The following MYH3 variants were observed in gnomAD, a reference collection of about 807,000 sequenced individuals.
MYH3 encodes myosin heavy chain 3.
In MYH3, 130 loss-of-function variants were observed where a neutral mutation model predicts 238.0. That is an observed-to-expected ratio of 0.55 (90% CI 0.47 to 0.63). The LOEUF (loss-of-function observed/expected upper bound fraction) is 0.63, where lower values mean the gene tolerates loss of function less well. MYH3 is among the 30% of genes least tolerant of loss of function. The pLI, the probability that MYH3 is intolerant of heterozygous loss-of-function variation, is 0.00. For missense variants in MYH3, 1,853 were observed against 2,374.9 expected (o/e 0.78, Z 4.57); for synonymous variants, 880 against 924.1 (o/e 0.95, Z 0.86).
chr17:10,631,498 A>G (rs565231280), intron 36 of MYH3, 113 bp downstream of exon 36: 1 of 1,508,842 alleles, frequency 6.6e-7, no homozygotes, highest in Non-Finnish European at 9.1e-7. Flanking sequence ...GCCCTCGGGG[A>G]GCAGAATGTG....
In MYH3 at chr17:10,647,364, A is replaced by T. The variant is rs2074331197; in HGVS notation, c.798T>A (p.Thr266=). 6.2e-7 allele frequency: 1 copy of T among 1,614,226 alleles called. No individual in the cohort carries two copies. Among genetic ancestry groups the T allele is most frequent in the Non-Finnish European group, 8.5e-7 (1 of 1,180,026 alleles). Reference sequence around the variant, plus strand: ...TCGAATCCCCATGGATCTACTTACAAGTTTCAATATCTGCAGAGGCCAGCT... The same window carrying T: ...TCGAATCCCCATGGATCTACTTACATGTTTCAATATCTGCAGAGGCCAGCT... ...TGKLASADIE[T]YLLEKSRVTF... is the part of the protein sequence containing the mutation. Residue 266 remains threonine (T), a splice_region_variant and synonymous_variant, in exon 9 of 41, where the codon ACT becomes ACA. Transcript: ENST00000583535.
In MYH3 at chr17:10,632,550, T is replaced by C. The variant is rs2074173586; in HGVS notation, c.4882A>G (p.Ile1628Val). 2 of 1,614,146 alleles carry C rather than the reference T, an allele frequency of 1.2e-6. No homozygotes were observed. Among genetic ancestry groups the C allele is most frequent in the Non-Finnish European group, 8.5e-7 (1 of 1,180,040 alleles). The change falls in exon 34 of 41, where the codon ATC becomes GTC. Residue 1628 changes from isoleucine to valine, a missense_variant. Transcript: ENST00000583535. ...KMEGDLNEIE[I>V]QLSHANRQAA... ...TGGCGGTTGGCGTGGCTCAGCTGGA[T>C]CTCGATTTCATTCAGGTCCCCCTCC...
chr17:10,632,660 T>G lies in MYH3; in HGVS notation c.4772A>C (p.Tyr1591Ser). ...CTGCATGGTTTCCACTGTTCTCTGGTAGTTCCTCTTCAGCTGCTCGATCTC... is the reference window on the plus strand; with the variant it reads ...CTGCATGGTTTCCACTGTTCTCTGGGAGTTCCTCTTCAGCTGCTCGATCTC... ...DEEIEQLKRN[Y>S]QRTVETMQSA... is the part of the protein sequence containing the mutation. Residue 1591 changes from tyrosine (Y) to serine (S), a missense_variant, in exon 34 of 41, where the codon TAC (tyrosine) becomes TCC (serine). Physicochemically the swap from Tyr to Ser is moderately radical, Grantham distance 144. Coordinates refer to ENST00000583535, the MANE Select transcript of MYH3 (RefSeq NM_002470.4). The G allele has an allele frequency of 6.2e-7, 1 of 1,614,130 alleles. No individual in the cohort carries two copies. The highest frequency in any genetic ancestry group is 8.5e-7 in the Non-Finnish European group (1 of 1,179,974).
intron 12 of MYH3, 114 bp downstream of exon 12, chr17:10,645,593 G>A (rs1355701830): frequency 7.3e-7 from 1 of 1,367,402 alleles, no homozygotes; most frequent in Non-Finnish European, 1.0e-6. Flanking sequence ...AAAGTGCTGG[G>A]ATTACAGGTG....
At chr17:10,672,392 T>G in the MYH3 span, 22 of 152,232 alleles carry the variant, frequency 1.4e-4, no homozygotes. Flanking sequence ...AAGGCAGGTC[T>G]TTCCTCCTTG....
chr17:10,647,576 C>T (rs1325441994), intron 8 of MYH3, 150 bp from the exon 9 acceptor site: 4 of 848,724 alleles, frequency 4.7e-6, no homozygotes, highest in East Asian at 5.3e-5. Flanking sequence ...GACGGAGTCT[C>T]GCTCTGTCAC....
At chr17:10,652,747 AAGTAGCTGGGATTACAGGCGCCCGCC>A (rs1434877371) in intron 3 of MYH3, among the ~76,000 whole-genome samples, 184 bp from the exon 4 acceptor site, 1 of 150,338 alleles carries the variant, frequency 6.7e-6, no homozygotes, top group Non-Finnish European at 1.5e-5. Context: ...TCAGCCTCCC[AAGTAGCTGGGATTACAGGCGCCCGCC>A]ACCACACCCG....
In MYH3 at chr17:10,639,369, G is replaced by A; in HGVS notation, c.3031C>T (p.Leu1011Phe). Residue 1011 changes from leucine to phenylalanine, a missense_variant, in exon 24 of 41, where the codon CTC becomes TTC. Leu to Phe is a conservative substitution (Grantham distance 22, BLOSUM62 0). Transcript: ENST00000583535. Reference sequence around the variant, plus strand: ...TTGACTTTGTCTTCTTCAGCTTGGAGGTCATCCAAGGCCTGCTGGTGCGCC... The same window carrying A: ...TTGACTTTGTCTTCTTCAGCTTGGAAGTCATCCAAGGCCTGCTGGTGCGCC... ...QEAHQQALDD[L>F]QAEEDKVNSL... 1 of 1,614,148 alleles carries A rather than the reference G, an allele frequency of 6.2e-7. No individual in the cohort carries two copies. The highest frequency in any genetic ancestry group is 8.5e-7 in the Non-Finnish European group (1 of 1,180,020).
In MYH3 at chr17:10,629,582, A is replaced by G. The variant is rs748859267; in HGVS notation, c.5796+15T>C. On this transcript the variant is annotated intron_variant, in intron 40 of 40. Coordinates refer to ENST00000583535, the MANE Select transcript of MYH3 (RefSeq NM_002470.4). Reference sequence around the variant, plus strand: ...CAGTCCCTGGGGGGGGGCTCCTCCCAGCTCAGCGACTCACCCTGCTGGAGG... The same window carrying G: ...CAGTCCCTGGGGGGGGGCTCCTCCCGGCTCAGCGACTCACCCTGCTGGAGG... The G allele has an allele frequency of 6.2e-7, 1 of 1,612,632 alleles. No homozygotes were observed. The highest frequency in any genetic ancestry group is 8.5e-7 in the Non-Finnish European group (1 of 1,180,010).
chr17:10,664,976 G>A, the MYH3 span, among the ~76,000 whole-genome samples: 3 of 152,042 alleles, frequency 2.0e-5, no homozygotes, highest in East Asian at 5.8e-4. Context: ...CTATATATCA[G>A]GCATGGAAGG....
At position 10,630,469 on chromosome 17, in the gene MYH3, C is replaced by T. The variant is rs377220252; in HGVS notation, c.5287-11G>A. ...CGCCATCATGGCAGCCTGAAAAGCA[C>T]ATGGGACTTGCTAGGATGCAGAGGA... On this transcript the variant is annotated splice_polypyrimidine_tract_variant and intron_variant, in intron 36 of 40. Transcript: ENST00000583535. 31 of 1,614,092 alleles carry T rather than the reference C, an allele frequency of 1.9e-5. No individual in the cohort carries two copies. Among genetic ancestry groups the T allele is most frequent in the Non-Finnish European group, 2.3e-5 (27 of 1,180,044 alleles).
intron 40 of MYH3, among the ~76,000 whole-genome samples, chr17:10,629,079 A>G (rs1352513706): frequency 6.6e-6 from 1 of 152,076 alleles, no homozygotes; most frequent in Non-Finnish European, 1.5e-5. Context: ...TTACATAGGT[A>G]TACATGTGCC....
rs2142384463 is a variant in MYH3 at position 10,632,703 on chromosome 17, T to C, written c.4729A>G (p.Ile1577Val). The C allele has an allele frequency of 1.9e-6, 3 of 1,614,192 alleles. No individual in the cohort carries two copies. Among genetic ancestry groups the C allele is most frequent in the Non-Finnish European group, 2.5e-6 (3 of 1,180,022 alleles). ...TCGATCTCTTCATCCTTCTCGGCGA[T>C]CTTTCTATCAATTTCTGATTTCACT... Reference protein sequence around the residue: ...TQVKSEIDRKIAEKDEEIEQL... With the variant: ...TQVKSEIDRKVAEKDEEIEQL... The change falls in exon 34 of 41, where the codon ATC (isoleucine) becomes GTC (valine). Residue 1577 changes from isoleucine to valine, a missense_variant. Ile to Val is a conservative substitution (Grantham distance 29). This residue lies in a region of MYH3 where 1,044 missense variants were observed against 1,192.6 expected (regional missense o/e 0.88). Coordinates refer to ENST00000583535, the MANE Select transcript of MYH3 (RefSeq NM_002470.4).
At position 10,635,717 on chromosome 17, in the gene MYH3, C is replaced by T. The variant is rs149342648; in HGVS notation, c.3975+18G>A. The stretch of plus-strand genomic sequence containing the variant: ...TATTTAAAAATAAGGGCAAAGAAGT[C>T]TTCCTTCAATGGTGTACCTTGTTCT... On this transcript the variant is annotated intron_variant, in intron 29 of 40. Coordinates refer to ENST00000583535, the MANE Select transcript of MYH3 (RefSeq NM_002470.4). 5.7e-4 allele frequency: 923 copies of T among 1,612,726 alleles called. 6 individuals carry two copies. In the East Asian group the frequency reaches 0.018, roughly 32 times the overall value.
chr17:10,657,409 C>T (rs2142436763), upstream of MYH3: 1 of 152,406 alleles, frequency 6.6e-6, no homozygotes, highest in Middle Eastern at 3.4e-3. Flanking sequence ...CCCCCCCAAG[C>T]CGAGAACCAG....
At chr17:10,652,951 A>G (rs372188152) in intron 3 of MYH3, among the ~76,000 whole-genome samples, 1 of 151,954 alleles carries the variant, frequency 6.6e-6, no homozygotes, top group South Asian at 2.1e-4. Context: ...TGCCCCCACC[A>G]AAAGACCAAG....
Position 10,641,300 on chromosome 17 carries a change from C to T in MYH3, c.2032G>A (p.Glu678Lys), listed in dbSNP as rs1185175864. The change falls in exon 18 of 41, where the codon GAA becomes AAA. Residue 678 changes from glutamate (E) to lysine (K), a missense_variant. Coordinates refer to ENST00000583535, the MANE Select transcript of MYH3 (RefSeq NM_002470.4). ...PHFVRCIIPN[E>K]TKTPGAMEHS... ...GGTGTCTCACCTGGAGTTTTGGTTT[C>T]ATTGGGAATTATACAACGCACAAAA... is the stretch of plus-strand genomic sequence containing the variant. 6.2e-7 allele frequency: 1 copy of T among 1,613,012 alleles called. No individual in the cohort carries two copies. The highest frequency in any genetic ancestry group is 8.5e-7 in the Non-Finnish European group (1 of 1,179,132).
chr17:10,638,397 C>T lies in MYH3; in HGVS notation c.3375G>A (p.Ala1125=), dbSNP rs748282805. 9 of 1,601,168 alleles carry T rather than the reference C, an allele frequency of 5.6e-6. No individual in the cohort carries two copies. Among genetic ancestry groups the T allele is most frequent in the Non-Finnish European group, 7.6e-6 (9 of 1,179,926 alleles). ...RIEELEEEIE[A]ERATRAKTEK... ...CTGTCTTCGCGCGGGTGGCCCTCTC[C>T]GCCTCTATCTCCTCTTCCAGCTCCT... The change falls in exon 27 of 41, where the codon GCG becomes GCA. Residue 1125 remains alanine, a synonymous_variant. Coordinates refer to ENST00000583535, the MANE Select transcript of MYH3 (RefSeq NM_002470.4).
chr17:10,653,399 T>C (rs1230087453), intron 3 of MYH3, among the ~76,000 whole-genome samples: 1 of 152,134 alleles, frequency 6.6e-6, no homozygotes, highest in Non-Finnish European at 1.5e-5. Flanking sequence ...AAAGCAGCTG[T>C]CCAGCCCCCG....
Sources: allele counts gnomAD v4.1 joint callset (sites outside exome capture counted in the v4.1 genomes callset), GRCh38; gene constraint gnomAD v4.1.1; regional missense constraint gnomAD v4.1.1; transcripts MANE v1.5; gene names NCBI Gene and HGNC (gene_info 2026-07-23, HGNC 2026-07-21).